Variants in STRBP observed in about 807,000 individuals in gnomAD.
STRBP encodes the protein spermatid perinuclear RNA binding protein, also known as spermatid perinuclear RNA-binding protein.
A neutral mutation model predicts 80.1 loss-of-function variants in STRBP; 13 were observed. That is an observed-to-expected ratio of 0.16 (90% CI 0.11 to 0.26). The LOEUF (loss-of-function observed/expected upper bound fraction) is 0.26. Among genes scored for constraint, STRBP ranks in the 10% least tolerant of loss-of-function variants. The probability of loss-of-function intolerance (pLI) is 1.00; values close to 1 mark genes in which losing one functional copy is unlikely to be tolerated. For missense variants in STRBP, 485 were observed against 815.2 expected (o/e 0.59, Z 4.93); for synonymous variants, 284 against 291.2 (o/e 0.98, Z 0.25).
chr9:123,213,412 G>C (rs1344652510), intron 2 of STRBP, among the ~76,000 whole-genome samples: 1 of 152,060 alleles, frequency 6.6e-6, no homozygotes, highest in Non-Finnish European at 1.5e-5. Flanking sequence ...GAACAGAATC[G>C]ACTAAATTCA....
intron 16 of STRBP, 145 bp downstream of exon 16, chr9:123,135,896 G>A (rs1056519854): frequency 6.9e-5 from 66 of 952,356 alleles, no homozygotes; most frequent in East Asian, 1.0e-4. Context: ...TATATTATTC[G>A]TGACCTAACC....
At chr9:123,181,028 G>GTTAAT in intron 3 of STRBP, 1 of 618,396 alleles carries the variant, frequency 1.6e-6, no homozygotes, top group Non-Finnish European at 2.0e-6. Context: ...ACACTATAGT[G>GTTAAT]TCACTGTCCT....
chr9:123,158,487 TA>T, intron 9 of STRBP, 58 bp from the exon 10 acceptor site: 1 of 1,464,106 alleles, frequency 6.8e-7, no homozygotes, highest in Non-Finnish European at 9.5e-7. Flanking sequence ...TTCGGTAAAC[TA>T]AAACAAAAGA....
chr9:123,158,028 T>C lies in STRBP; in HGVS notation c.1029A>G (p.Ser343=). 1 of 1,610,720 alleles carries C rather than the reference T, an allele frequency of 6.2e-7. No individual in the cohort carries two copies. The highest frequency in any genetic ancestry group is 2.2e-5 in the East Asian group (1 of 44,832). The part of the protein sequence containing the change: ...SSKPFQKYSW[S]VTDKEGAGSS... ...CATGCTCACCTTCTTTATCAGTAACTGACCAGGAATACTTCTGAAAAGGCT... is the reference window on the plus strand; with the variant it reads ...CATGCTCACCTTCTTTATCAGTAACCGACCAGGAATACTTCTGAAAAGGCT... The change falls in exon 11 of 19, where the codon TCA becomes TCG. Residue 343 remains serine (S), a synonymous_variant. Transcript: ENST00000348403.
intron 1 of STRBP, among the ~76,000 whole-genome samples, chr9:123,265,005 A>G (rs770177555): frequency 6.6e-6 from 1 of 152,212 alleles, no homozygotes; most frequent in Non-Finnish European, 1.5e-5. Flanking sequence ...ATGAGGTCAG[A>G]CATGCTCCCT....
chr9:123,181,852 A>G, intron 3 of STRBP, among the ~76,000 whole-genome samples: 1 of 149,730 alleles, frequency 6.7e-6, no homozygotes, highest in Admixed American at 6.7e-5. Flanking sequence ...AGTAACAGGA[A>G]AAATTGAAGA....
chr9:123,129,402 A>C (rs1246228143), intron 17 of STRBP, among the ~76,000 whole-genome samples: 1 of 152,192 alleles, frequency 6.6e-6, no homozygotes, highest in African/African-American at 2.4e-5. Flanking sequence ...TAAATGAAAA[A>C]AATTTCTAAA....
chr9:123,162,840 C>T (rs1487429374), intron 6 of STRBP, among the ~76,000 whole-genome samples: 1 of 152,172 alleles, frequency 6.6e-6, no homozygotes, highest in African/African-American at 2.4e-5. Context: ...TGATATAGCT[C>T]AATTTTGTCT....
chr9:123,242,787 C>A (rs535767647), intron 1 of STRBP, among the ~76,000 whole-genome samples: 47 of 152,272 alleles, frequency 3.1e-4, no homozygotes, highest in Non-Finnish European at 5.9e-4. Context: ...ACAAAGAATT[C>A]TCTCCATACA....
intron 1 of STRBP, among the ~76,000 whole-genome samples, chr9:123,259,533 C>A (rs1036784153): frequency 2.0e-5 from 3 of 152,072 alleles, no homozygotes; most frequent in African/African-American, 7.2e-5. Flanking sequence ...ATGGAGAAAC[C>A]CCGTCTCTAC....
At chr9:123,235,792 A>G (rs2040544410) in intron 2 of STRBP, among the ~76,000 whole-genome samples, 1 of 152,126 alleles carries the variant, frequency 6.6e-6, no homozygotes, top group South Asian at 2.1e-4. Context: ...CAGCTATACT[A>G]AAGTCACTTC....
intron 1 of STRBP, among the ~76,000 whole-genome samples, chr9:123,253,722 TTGC>T (rs1242506156): frequency 1.3e-5 from 2 of 152,370 alleles, no homozygotes; most frequent in African/African-American, 2.4e-5. Flanking sequence ...TTTTTTGATG[TTGC>T]TGCTGTTTGT....
Position 123,125,448 on chromosome 9 carries a change from T to A in STRBP, c.*149A>T, listed in dbSNP as rs2035856825. ...CAAGTTTTAGAGAACTAAATTTGCA[T>A]TTGTTAAAATCAAAAAGTAGGAAAG... is the stretch of plus-strand genomic sequence containing the variant. On this transcript the variant is annotated 3_prime_UTR_variant, in exon 19 of 19. Coordinates refer to ENST00000348403, the MANE Select transcript of STRBP (RefSeq NM_018387.5). The A allele has an allele frequency of 1.6e-6, 2 of 1,261,756 alleles. No homozygotes were observed. Among genetic ancestry groups the A allele is most frequent in the Admixed American group, 7.6e-5 (2 of 26,286 alleles). 78.2% of individuals were successfully genotyped at this position (1,261,756 alleles called of 1,614,324 possible).
chr9:123,263,337 C>G (rs1444059033), intron 1 of STRBP, among the ~76,000 whole-genome samples: 1 of 151,946 alleles, frequency 6.6e-6, no homozygotes, highest in Admixed American at 6.6e-5. Context: ...GGCAACACAG[C>G]AAGACCTTGA....
At chr9:123,117,812 C>G (rs562734506), downstream of STRBP, among the ~76,000 whole-genome samples, 16 of 152,304 alleles carry the variant, frequency 1.1e-4, no homozygotes, top group South Asian at 3.1e-3. Flanking sequence ...AACATGCACT[C>G]GGAAAATATA....
At position 123,164,704 on chromosome 9, in the gene STRBP, T is replaced by C. The variant is rs749675761; in HGVS notation, c.536-3636A>G. Among the ~76,000 whole-genome samples the C allele has an allele frequency of 1.2e-4, 18 of 152,154 alleles. 1 individual carries two copies. The highest frequency in any genetic ancestry group is 1.9e-4 in the Non-Finnish European group (13 of 68,018). On this transcript the variant is annotated intron_variant, in intron 6 of 18. Coordinates refer to ENST00000348403, the MANE Select transcript of STRBP (RefSeq NM_018387.5). The stretch of plus-strand genomic sequence containing the variant: ...AGTATCATGAGGGGCTCCTTGACAA[T>C]CAGGATGAAACTGAGCTACTAAGTC...
chr9:123,203,198 T>C (rs1470098862), intron 2 of STRBP, among the ~76,000 whole-genome samples: 1 of 151,900 alleles, frequency 6.6e-6, no homozygotes, highest in African/African-American at 2.4e-5. Flanking sequence ...ACAAAAAATT[T>C]AGGCAGGCAT....
intron 2 of STRBP, among the ~76,000 whole-genome samples, chr9:123,212,080 C>G (rs1219467351): frequency 6.6e-6 from 1 of 152,162 alleles, no homozygotes; most frequent in African/African-American, 2.4e-5. Context: ...AAATGCAAAA[C>G]TTCTTCCTTA....
At chr9:123,260,978 A>G (rs1319847008) in intron 1 of STRBP, among the ~76,000 whole-genome samples, 1 of 152,252 alleles carries the variant, frequency 6.6e-6, no homozygotes, top group Non-Finnish European at 1.5e-5. Context: ...CAATTTTCTT[A>G]TCTTCTTTAA....
Sources: allele counts gnomAD v4.1 joint callset (sites outside exome capture counted in the v4.1 genomes callset), GRCh38; gene constraint gnomAD v4.1.1; transcripts MANE v1.5; gene names NCBI Gene and HGNC (gene_info 2026-07-23, HGNC 2026-07-21).